Variants in RTN1 observed in about 807,000 individuals in gnomAD.
The protein encoded by RTN1 is reticulon 1, also known as reticulon-1.
Under a neutral mutation model 65.5 loss-of-function variants are expected in RTN1, and 25 were observed. The ratio of observed to expected loss-of-function variants is 0.38; its 90% confidence interval spans 0.28 to 0.53. The LOEUF (loss-of-function observed/expected upper bound fraction) is 0.53. RTN1 is among the 20% of genes least tolerant of loss of function. The probability of loss-of-function intolerance (pLI) is 0.79; values close to 1 mark genes in which losing one functional copy is unlikely to be tolerated. For missense variants in RTN1, 983 were observed against 1,025.4 expected (o/e 0.96, Z 0.57); for synonymous variants, 471 against 447.6 (o/e 1.05, Z -0.66).
At chr14:59,785,462 T>G (rs1178031253) in intron 1 of RTN1, among the ~76,000 whole-genome samples, 5 of 152,162 alleles carry the variant, frequency 3.3e-5, no homozygotes, top group African/African-American at 1.2e-4. Flanking sequence ...CAAGGTAAAT[T>G]TTGTCATCTG....
At chr14:59,765,694 C>A (rs921042134) in intron 1 of RTN1, among the ~76,000 whole-genome samples, 6 of 151,528 alleles carry the variant, frequency 4.0e-5, no homozygotes, top group African/African-American at 1.5e-4. Flanking sequence ...GAAACCAAAA[C>A]CAAATGTGTT....
intron 1 of RTN1, among the ~76,000 whole-genome samples, chr14:59,754,480 G>A (rs895351581): frequency 1.3e-5 from 2 of 152,112 alleles, no homozygotes. Flanking sequence ...CCATAGCTTA[G>A]GCAGTTTGTA....
intron 1 of RTN1, among the ~76,000 whole-genome samples, chr14:59,760,029 G>A (rs1885717855): frequency 1.3e-5 from 2 of 152,100 alleles, no homozygotes; most frequent in African/African-American, 4.8e-5. Context: ...AGACACACTT[G>A]CACATGTACA....
chr14:59,712,722 G>A (rs1884449399), intron 3 of RTN1, among the ~76,000 whole-genome samples: 2 of 152,098 alleles, frequency 1.3e-5, no homozygotes, highest in African/African-American at 2.4e-5. Flanking sequence ...GACCAGCCTG[G>A]GCAACATGGT....
intron 1 of RTN1, among the ~76,000 whole-genome samples, chr14:59,841,300 A>C (rs891333486): frequency 1.3e-5 from 2 of 152,224 alleles, no homozygotes; most frequent in Non-Finnish European, 2.9e-5. Context: ...GAGACAAATA[A>C]GAATGAAAAA....
At chr14:59,776,683 C>G (rs1249832526) in intron 1 of RTN1, among the ~76,000 whole-genome samples, 1 of 152,100 alleles carries the variant, frequency 6.6e-6, no homozygotes, top group Non-Finnish European at 1.5e-5. Context: ...GTGGGGCCTT[C>G]CCCTTACCCT....
intron 3 of RTN1, among the ~76,000 whole-genome samples, chr14:59,661,813 C>T (rs1359177165): frequency 6.6e-6 from 1 of 152,072 alleles, no homozygotes; most frequent in African/African-American, 2.4e-5. Flanking sequence ...GGGCAAAATC[C>T]CGAAGCATTC....
intron 3 of RTN1, 57 bp from the exon 4 acceptor site, chr14:59,607,549 G>A (rs779392926): frequency 1.3e-5 from 18 of 1,410,624 alleles, no homozygotes; most frequent in Admixed American, 9.8e-5. Context: ...CACATGAGCC[G>A]CTGTGGCTCA....
intron 3 of RTN1, among the ~76,000 whole-genome samples, chr14:59,714,727 A>G (rs1242692037): frequency 6.6e-6 from 1 of 152,214 alleles, no homozygotes; most frequent in Non-Finnish European, 1.5e-5. Flanking sequence ...TATCAATTTG[A>G]TGGAAAGTTA....
chr14:59,775,921 G>A (rs1455643900), intron 1 of RTN1, among the ~76,000 whole-genome samples: 1 of 152,122 alleles, frequency 6.6e-6, no homozygotes, highest in Middle Eastern at 3.4e-3. Context: ...GAAATAAGAA[G>A]TTTTAAATTA....
chr14:59,721,038 A>G (rs1223482662), intron 3 of RTN1, among the ~76,000 whole-genome samples: 1 of 152,184 alleles, frequency 6.6e-6, no homozygotes, highest in Non-Finnish European at 1.5e-5. Flanking sequence ...AAGAAAGTAA[A>G]TGGGTCATAC....
intron 3 of RTN1, among the ~76,000 whole-genome samples, chr14:59,689,111 TA>T (rs1051151173): frequency 1.3e-5 from 2 of 151,878 alleles, no homozygotes; most frequent in Non-Finnish European, 2.9e-5. Flanking sequence ...ATAAATATCT[TA>T]AAAAAAACCA....
intron 1 of RTN1, among the ~76,000 whole-genome samples, chr14:59,865,043 C>A (rs991766226): frequency 2.0e-5 from 3 of 151,952 alleles, no homozygotes; most frequent in Admixed American, 6.6e-5. Context: ...ATAGGAAGGG[C>A]TACATACATG....
At chr14:59,786,129 A>T (rs1886245820) in intron 1 of RTN1, among the ~76,000 whole-genome samples, 1 of 152,226 alleles carries the variant, frequency 6.6e-6, no homozygotes, top group Non-Finnish European at 1.5e-5. Flanking sequence ...GACCACAGGC[A>T]GCATAGAGTA....
chr14:59,637,642 G>A lies in RTN1; in HGVS notation c.1766-30150C>T, dbSNP rs909215389. Among the ~76,000 whole-genome samples, 101 of 150,612 alleles carry A rather than the reference G, an allele frequency of 6.7e-4. 1 individual carries two copies. Among genetic ancestry groups the A allele is most frequent in the Non-Finnish European group, 6.3e-4 (43 of 67,804 alleles). On this transcript the variant is annotated intron_variant, in intron 3 of 8. Coordinates refer to ENST00000267484, the MANE Select transcript of RTN1 (RefSeq NM_021136.3). ...CAGGAGAATCGCTTGAACCTGGGAG[G>A]CAGAGGTTGCAGTGAGCCAAGATCG...
rs934681183 is a variant in RTN1, at chr14:59,870,232, C to T, written c.241+158G>A. Among the ~76,000 whole-genome samples, 1 of 152,252 alleles carries T rather than the reference C, an allele frequency of 6.6e-6. No homozygotes were observed. Among genetic ancestry groups the T allele is most frequent in the Admixed American group, 6.5e-5 (1 of 15,290 alleles). On this transcript the variant is annotated intron_variant, in intron 1 of 8. Transcript: ENST00000267484. The surrounding 1 kb of genome is among the most constrained non-coding windows in gnomAD (Gnocchi z 5.1). ...AAATAAAATTGTTGTTTTCTACCAG[C>T]CCGCGAATATTCCCAGTCGCCCGTG... is the stretch of plus-strand genomic sequence containing the variant.
chr14:59,630,694 C>A (rs1036416865), intron 3 of RTN1: 3 of 1,160,250 alleles, frequency 2.6e-6, no homozygotes, highest in Non-Finnish European at 3.2e-6. Context: ...CGGCCGGCAG[C>A]GAATCAGCGC....
intron 1 of RTN1, among the ~76,000 whole-genome samples, chr14:59,854,116 T>C (rs1887559918): frequency 6.6e-6 from 1 of 151,922 alleles, no homozygotes; most frequent in Non-Finnish European, 1.5e-5. Context: ...CACCTCGGCC[T>C]CCCAAAGTGC....
chr14:59,701,514 T>C (rs1259033703), intron 3 of RTN1, among the ~76,000 whole-genome samples: 1 of 152,174 alleles, frequency 6.6e-6, no homozygotes, highest in Non-Finnish European at 1.5e-5. Context: ...TACTGATACA[T>C]GCTATAACAT....
Sources: gnomAD v4.1 joint callset for allele counts (sites outside exome capture counted in the v4.1 genomes callset) on GRCh38, gnomAD v4.1.1 for gene constraint, Gnocchi (gnomAD v3.1) non-coding constraint, MANE v1.5 for transcripts, NCBI Gene and HGNC (gene_info 2026-07-23, HGNC 2026-07-21) for gene names.